Variants in RABGAP1L observed in about 807,000 individuals in gnomAD.
The protein encoded by RABGAP1L is rab GTPase-activating protein 1-like.
A neutral mutation model predicts 137.7 loss-of-function variants in RABGAP1L; 63 were observed. That is an observed-to-expected ratio of 0.46 (90% confidence interval 0.37 to 0.56). RABGAP1L has a LOEUF of 0.56. Ranked by LOEUF, RABGAP1L falls within the 20% of genes least tolerant of loss-of-function variation. The pLI is 0.00. For synonymous variants in RABGAP1L, 431 were observed against 433.7 expected, an observed-to-expected ratio of 0.99 and a Z score of 0.08; for missense variants, 1,095 against 1,244.0, an observed-to-expected ratio of 0.88 and a Z score of 1.80.
At chr1:174,778,754 C>T (rs948981771) in intron 18 of RABGAP1L, among the ~76,000 whole-genome samples, 1 of 151,988 alleles carries the variant, frequency 6.6e-6, no homozygotes, top group African/African-American at 2.4e-5. Context: ...GCCACCATGC[C>T]CGGCTAATTT....
chr1:174,812,694 A>G (rs1689991376), intron 19 of RABGAP1L, among the ~76,000 whole-genome samples: 1 of 152,218 alleles, frequency 6.6e-6, no homozygotes, highest in Non-Finnish European at 1.5e-5. Flanking sequence ...TAATAAATAC[A>G]TTATTTATTT....
chr1:174,658,143 G>A (rs927899438), intron 14 of RABGAP1L, among the ~76,000 whole-genome samples: 3 of 152,150 alleles, frequency 2.0e-5, no homozygotes, highest in Non-Finnish European at 4.4e-5. Flanking sequence ...AAAGCTCCCT[G>A]TTCTTACCAA....
At chr1:174,868,886 C>T (rs1196489157) in intron 19 of RABGAP1L, among the ~76,000 whole-genome samples, 1 of 152,060 alleles carries the variant, frequency 6.6e-6, no homozygotes, top group African/African-American at 2.4e-5. Context: ...TACCAAATTA[C>T]TCCCAAATAA....
intron 14 of RABGAP1L, among the ~76,000 whole-genome samples, chr1:174,638,228 A>AT (rs1156592271): frequency 6.6e-6 from 1 of 152,254 alleles, no homozygotes; most frequent in East Asian, 1.9e-4. Flanking sequence ...ATCATGGCTA[A>AT]TTTGTAAGTT....
intron 14 of RABGAP1L, among the ~76,000 whole-genome samples, chr1:174,669,472 A>G (rs932487132): frequency 6.6e-6 from 1 of 152,150 alleles, no homozygotes; most frequent in African/African-American, 2.4e-5. Context: ...TGCTATGCAG[A>G]AGCTTTTTAG....
intron 4 of RABGAP1L, among the ~76,000 whole-genome samples, 182 bp from the exon 5 acceptor site, chr1:174,241,301 A>G (rs745556461): frequency 2.6e-5 from 4 of 151,924 alleles, no homozygotes; most frequent in Non-Finnish European, 5.9e-5. Context: ...GCCTGGGGGA[A>G]AGAGCAAAAC....
At chr1:174,494,076 A>G (rs1660522293) in intron 13 of RABGAP1L, among the ~76,000 whole-genome samples, 1 of 152,118 alleles carries the variant, frequency 6.6e-6, no homozygotes, top group Admixed American at 6.5e-5. Context: ...TATATTTAGA[A>G]CATCGTGTAT....
At chr1:174,952,427 C>T (rs1667866324) in intron 19 of RABGAP1L, among the ~76,000 whole-genome samples, 1 of 149,694 alleles carries the variant, frequency 6.7e-6, no homozygotes, top group Admixed American at 6.7e-5. Flanking sequence ...GGGAGGATCA[C>T]CTGAGTCCAG....
chr1:174,832,427 C>G (rs1471242802), intron 19 of RABGAP1L, among the ~76,000 whole-genome samples: 1 of 148,322 alleles, frequency 6.7e-6, no homozygotes, highest in African/African-American at 2.5e-5. Context: ...CCTGGAGATA[C>G]TTGCTGCTGT....
intron 13 of RABGAP1L, among the ~76,000 whole-genome samples, chr1:174,564,379 A>G (rs971064026): frequency 2.0e-5 from 3 of 152,174 alleles, no homozygotes; most frequent in Admixed American, 6.6e-5. Flanking sequence ...TTTACCATTT[A>G]GGATATCAGC....
intron 19 of RABGAP1L, among the ~76,000 whole-genome samples, chr1:174,841,791 G>C (rs1038302387): frequency 1.3e-5 from 2 of 150,808 alleles, no homozygotes; most frequent in African/African-American, 4.9e-5. Flanking sequence ...GATTTTCTAG[G>C]AAAATTGAAA....
chr1:174,579,052 T>C (rs192246683), intron 13 of RABGAP1L, among the ~76,000 whole-genome samples: 49 of 152,318 alleles, frequency 3.2e-4, no homozygotes, highest in African/African-American at 1.1e-3. Flanking sequence ...GAGACCTGCT[T>C]TCCCAAATAT....
chr1:174,608,232 C>T (rs1670932447), intron 13 of RABGAP1L, among the ~76,000 whole-genome samples: 1 of 152,056 alleles, frequency 6.6e-6, no homozygotes, highest in African/African-American at 2.4e-5. Flanking sequence ...GCCTTTCTGC[C>T]TTGGTTCACC....
intron 1 of RABGAP1L, among the ~76,000 whole-genome samples, chr1:174,204,650 T>C (rs1668373266): frequency 6.6e-6 from 1 of 152,154 alleles, no homozygotes. Flanking sequence ...ATGGTTTAGC[T>C]CTGTGTCCCC....
At chr1:174,643,876 A>C (rs887598630) in intron 14 of RABGAP1L, among the ~76,000 whole-genome samples, 10 of 152,022 alleles carry the variant, frequency 6.6e-5, no homozygotes, top group South Asian at 6.2e-4. Flanking sequence ...ATATAAATAA[A>C]TCTTAGCAAC....
intron 13 of RABGAP1L, among the ~76,000 whole-genome samples, chr1:174,581,530 CT>C (rs1668746377): frequency 6.6e-6 from 1 of 152,098 alleles, no homozygotes; most frequent in Admixed American, 6.5e-5. Context: ...ATGGCCTCTG[CT>C]TTCAGTAGGA....
intron 12 of RABGAP1L, among the ~76,000 whole-genome samples, chr1:174,371,423 TG>T (rs1423498414): frequency 6.6e-6 from 1 of 152,114 alleles, no homozygotes; most frequent in African/African-American, 2.4e-5. Context: ...TAAAGGGTTA[TG>T]TTTTTTTAAA....
chr1:174,958,375 A>C (rs1668796212), intron 20 of RABGAP1L, among the ~76,000 whole-genome samples: 1 of 152,164 alleles, frequency 6.6e-6, no homozygotes, highest in Non-Finnish European at 1.5e-5. Context: ...CTTATTTCCA[A>C]CTTATTTTTT....
chr1:174,172,931 G>A (rs771313566), intron 1 of RABGAP1L, among the ~76,000 whole-genome samples: 12 of 152,016 alleles, frequency 7.9e-5, no homozygotes, highest in Non-Finnish European at 7.4e-5. Context: ...TGCCAAGGCC[G>A]AACAATATCA....
Sources: allele counts gnomAD v4.1 joint callset (sites outside exome capture counted in the v4.1 genomes callset), GRCh38; gene constraint gnomAD v4.1.1; transcripts MANE v1.5; gene names NCBI Gene and HGNC (gene_info 2026-07-23, HGNC 2026-07-21).